Variants in ZNF729 observed in about 807,000 individuals in gnomAD.
ZNF729 encodes the protein zinc finger protein 729.
A neutral mutation model predicts 12.2 loss-of-function variants in ZNF729; 15 were observed. That is an observed-to-expected ratio of 1.23 (90% confidence interval 0.82 to 1.89). The LOEUF (loss-of-function observed/expected upper bound fraction) is 1.89. ZNF729 is among the 40% of genes most tolerant of loss of function. ZNF729 has a pLI of 0.00. For missense variants in ZNF729, 1,540 were observed against 1,456.7 expected (o/e 1.06, Z -0.93); for synonymous variants, 492 against 476.3 (o/e 1.03, Z -0.43).
chr19:22,314,939 A>G lies in ZNF729; in HGVS notation c.1522A>G (p.Ile508Val), dbSNP rs142640000. Residue 508 changes from isoleucine to valine, a missense_variant, in exon 4 of 4, where the codon ATA becomes GTA. By Grantham distance (29) the Ile-to-Val change is conservative (BLOSUM62 3). Transcript: ENST00000601693. ...NHFSDLRRHK[I>V]IHTGKKPYKC... ...TTTCTCAGACCTTAGAAGACATAAGATAATTCATACTGGAAAGAAACCCTA... is the reference window on the plus strand; with the variant it reads ...TTTCTCAGACCTTAGAAGACATAAGGTAATTCATACTGGAAAGAAACCCTA... 1.5e-3 allele frequency: 2,391 copies of G among 1,611,536 alleles called. 32 individuals carry two copies. In the African/African-American group the frequency reaches 0.028, roughly 19 times the overall value.
chr19:22,287,059 G>A (rs1968087822), intron 1 of ZNF729, among the ~76,000 whole-genome samples: 1 of 152,092 alleles, frequency 6.6e-6, no homozygotes, highest in Non-Finnish European at 1.5e-5. Context: ...GGGATTTGAC[G>A]GAAAGATTTT....
intron 3 of ZNF729, among the ~76,000 whole-genome samples, chr19:22,307,794 C>A (rs568742241): frequency 1.6e-5 from 2 of 121,898 alleles, no homozygotes; most frequent in African/African-American, 3.4e-5. Flanking sequence ...ATTTGGAAAG[C>A]TCTGTGTTTT....
In ZNF729 at chr19:22,314,416, A is replaced by G. The variant is rs1399958989; in HGVS notation, c.999A>G (p.Ser333=). ...GTGGCAAAACTTTTAACCATTTCTC[A>G]GCCCTTAGAAAACATAAGATAATTC... ...EDCGKTFNHF[S]ALRKHKIIHT... is the part of the protein sequence containing the mutation. Residue 333 remains serine, a synonymous_variant, in exon 4 of 4, where the codon TCA becomes TCG. Coordinates refer to ENST00000601693, the MANE Select transcript of ZNF729 (RefSeq NM_001242680.2). The G allele has an allele frequency of 1.0e-5, 16 of 1,591,300 alleles. No individual in the cohort carries two copies. Among genetic ancestry groups the G allele is most frequent in the Non-Finnish European group, 1.4e-5 (16 of 1,166,040 alleles).
intron 1 of ZNF729, among the ~76,000 whole-genome samples, chr19:22,293,252 C>T (rs1968178647): frequency 6.6e-6 from 1 of 152,118 alleles, no homozygotes; most frequent in African/African-American, 2.4e-5. Flanking sequence ...GTGGCATAAT[C>T]TCAGCAAACG....
At position 22,286,533 on chromosome 19, in the gene ZNF729, G is replaced by T; in HGVS notation, c.8G>T (p.Gly3Val). The T allele has an allele frequency of 6.2e-7, 1 of 1,613,758 alleles. No individual in the cohort carries two copies. Among genetic ancestry groups the T allele is most frequent in the Non-Finnish European group, 8.5e-7 (1 of 1,180,002 alleles). MP[G>V]APGSLEMGPL... Reference sequence around the variant, plus strand: ...GGAAGATCCACAGCTAACATGCCAGGTGCCCCTGGCAGCCTAGAAATGGTG... The same window carrying T: ...GGAAGATCCACAGCTAACATGCCAGTTGCCCCTGGCAGCCTAGAAATGGTG... Residue 3 changes from glycine to valine, a missense_variant, in exon 1 of 4, where the codon GGT (glycine) becomes GTT (valine). By Grantham distance (109) the Gly-to-Val change is moderately radical. Transcript: ENST00000601693.
At chr19:22,312,077 A>G (rs999603174) in intron 3 of ZNF729, among the ~76,000 whole-genome samples, 7 of 152,088 alleles carry the variant, frequency 4.6e-5, no homozygotes, top group African/African-American at 1.4e-4. Flanking sequence ...AGCCATTTTC[A>G]TGAATTACCT....
intron 1 of ZNF729, among the ~76,000 whole-genome samples, chr19:22,289,295 T>G (rs1304272167): frequency 6.6e-6 from 1 of 151,208 alleles, no homozygotes; most frequent in African/African-American, 2.4e-5. Flanking sequence ...GCGCAATCTC[T>G]GCTCACTGCA....
Position 22,315,486 on chromosome 19 carries a change from G to A in ZNF729, c.2069G>A (p.Gly690Asp), listed in dbSNP as rs1172599575. The change falls in exon 4 of 4, where the codon GGC becomes GAC. Residue 690 changes from glycine (G) to aspartate (D), a missense_variant. Gly to Asp is a moderately conservative substitution (Grantham distance 94). Transcript: ENST00000601693. Reference protein sequence around the residue: ...GKKPYKCEECGKAFSHFSALR... With the variant: ...GKKPYKCEECDKAFSHFSALR... ...AAACCGTACAAATGTGAAGAATGTG[G>A]CAAAGCTTTTAGCCATTTCTCAGCC... is the stretch of plus-strand genomic sequence containing the variant. 5.0e-6 allele frequency: 8 copies of A among 1,611,910 alleles called. No individual in the cohort carries two copies. Among genetic ancestry groups the A allele is most frequent in the Non-Finnish European group, 5.9e-6 (7 of 1,179,678 alleles).
chr19:22,289,672 G>T (rs1450993834), intron 1 of ZNF729, among the ~76,000 whole-genome samples: 1 of 152,116 alleles, frequency 6.6e-6, no homozygotes, highest in African/African-American at 2.4e-5. Flanking sequence ...TTCCATTTTG[G>T]CTTCAGAAAA....
At chr19:22,300,263 G>A (rs1395796412) in intron 1 of ZNF729, among the ~76,000 whole-genome samples, 1 of 152,196 alleles carries the variant, frequency 6.6e-6, no homozygotes, top group Admixed American at 6.5e-5. Flanking sequence ...TGTATGACAT[G>A]GTGCTATACA....
chr19:22,295,407 T>G (rs1599753131), intron 1 of ZNF729, among the ~76,000 whole-genome samples: 2 of 142,840 alleles, frequency 1.4e-5, no homozygotes, highest in South Asian at 4.5e-4. Context: ...TTTTTTTTTT[T>G]GAGACAGAGT....
intron 3 of ZNF729, among the ~76,000 whole-genome samples, chr19:22,312,257 G>T (rs1309901338): frequency 6.6e-6 from 1 of 151,556 alleles, no homozygotes; most frequent in Non-Finnish European, 1.5e-5. Flanking sequence ...TTTTTTGATT[G>T]GGCCATGTTG....
intron 1 of ZNF729, among the ~76,000 whole-genome samples, chr19:22,288,310 TG>T (rs1027264642): frequency 1.4e-5 from 2 of 146,662 alleles, no homozygotes; most frequent in East Asian, 1.9e-4. Flanking sequence ...GTCTTTGTAC[TG>T]TTTTTTTTTT....
chr19:22,316,690 T>C lies in ZNF729; in HGVS notation c.3273T>C (p.Leu1091=), dbSNP rs1568579007. The C allele has an allele frequency of 3.7e-6, 6 of 1,612,684 alleles. No individual in the cohort carries two copies. Among genetic ancestry groups the C allele is most frequent in the Non-Finnish European group, 4.2e-6 (5 of 1,179,758 alleles). Residue 1091 remains leucine (L), a synonymous_variant, in exon 4 of 4, where the codon CTT becomes CTC. Transcript: ENST00000601693. ...CDKAFKHFSA[L]RKHKVIHTGK... is the part of the protein sequence containing the mutation. ...AAGCTTTTAAGCATTTCTCAGCCCT[T>C]AGAAAACATAAGGTAATTCATACTG... is the stretch of plus-strand genomic sequence containing the variant.
At position 22,307,316 on chromosome 19, in the gene ZNF729, A is replaced by ATTTTTTTTTTTTTTTTTTTTT. The variant is rs35650592; in HGVS notation, c.253+2539_253+2559dup. On this transcript the variant is annotated intron_variant, in intron 3 of 3. Transcript: ENST00000601693. ...CCACTGTGCGTGTCCACAATGTAGC[A>ATTTTTTTTTTTTTTTTTTTTT]TTTTTTTTTTTTTTTTTTTTTTTTT... 2.1e-5 allele frequency among the ~76,000 whole-genome samples: 2 copies of ATTTTTTTTTTTTTTTTTTTTT among 95,300 alleles called. 1 individual carries two copies. The allele number at this position is 95,300 out of a possible 152,430, so 62.5% of individuals were successfully genotyped here.
rs1396275551 is a variant in ZNF729, at chr19:22,314,266, G to A, written c.849G>A (p.Lys283=). 3 of 1,609,938 alleles carry A rather than the reference G, an allele frequency of 1.9e-6. No individual in the cohort carries two copies. The highest frequency in any genetic ancestry group is 4.5e-5 in the East Asian group (2 of 44,746). The change falls in exon 4 of 4, where the codon AAG becomes AAA. Residue 283 remains lysine (K), a synonymous_variant. Coordinates refer to ENST00000601693, the MANE Select transcript of ZNF729 (RefSeq NM_001242680.2). The part of the protein sequence containing the change: ...FNQSSNLTDH[K]RIHTGEKTYK... ...AGTCCTCAAATCTTACTGACCATAA[G>A]AGAATTCATACTGGAGAGAAAACCT...
At chr19:22,292,949 G>C (rs1968174426) in intron 1 of ZNF729, among the ~76,000 whole-genome samples, 1 of 152,242 alleles carries the variant, frequency 6.6e-6, no homozygotes, top group African/African-American at 2.4e-5. Context: ...TTGCCACACT[G>C]CTTTTCACAA....
chr19:22,295,038 T>TTGTGTG (rs71180536), intron 1 of ZNF729, among the ~76,000 whole-genome samples: 6,083 of 144,024 alleles, frequency 0.042, 346 homozygotes, highest in African/African-American at 0.13. Flanking sequence ...TCCTAGATAT[T>TTGTGTG]TGTGTGTGTG....
intron 1 of ZNF729, among the ~76,000 whole-genome samples, chr19:22,291,695 C>T (rs1159093799): frequency 6.6e-6 from 1 of 152,154 alleles, no homozygotes; most frequent in Admixed American, 6.6e-5. Context: ...CTTCCACCTG[C>T]ATTGCCCTCT....
Sources: allele counts gnomAD v4.1 joint callset (sites outside exome capture counted in the v4.1 genomes callset), GRCh38; gene constraint gnomAD v4.1.1; transcripts MANE v1.5; gene names NCBI Gene and HGNC (gene_info 2026-07-23, HGNC 2026-07-21).